Variants in ELMO1 observed in about 807,000 individuals in gnomAD.
ELMO1 encodes the protein engulfment and cell motility 1, also known as engulfment and cell motility protein 1.
ELMO1 carries 26 observed loss-of-function variants against 98.9 expected under a neutral mutation model. The observed-to-expected ratio is 0.26, with a 90% CI of 0.19 to 0.36. ELMO1 has a LOEUF of 0.36. Ranked by LOEUF, ELMO1 falls within the 10% of genes least tolerant of loss-of-function variation. The probability of loss-of-function intolerance (pLI) is 1.00; values close to 1 mark genes in which losing one functional copy is unlikely to be tolerated. For synonymous variants in ELMO1, 346 were observed against 346.0 expected (o/e 1.00, Z 0.00); for missense variants, 627 against 935.2 (o/e 0.67, Z 4.30).
intron 14 of ELMO1, among the ~76,000 whole-genome samples, chr7:37,129,019 T>C (rs1444128517): frequency 2.6e-5 from 4 of 152,032 alleles, no homozygotes; most frequent in African/African-American, 7.2e-5. Flanking sequence ...GCCTTTGCCA[T>C]GAGGGCTGTC....
chr7:37,003,354 C>G (rs1269410184), intron 16 of ELMO1, among the ~76,000 whole-genome samples: 1 of 152,094 alleles, frequency 6.6e-6, no homozygotes, highest in African/African-American at 2.4e-5. Flanking sequence ...GAGACAACGT[C>G]TCAAATACAA....
At chr7:37,168,993 C>T (rs1311767911) in intron 13 of ELMO1, among the ~76,000 whole-genome samples, 1 of 152,192 alleles carries the variant, frequency 6.6e-6, no homozygotes, top group East Asian at 1.9e-4. Flanking sequence ...TGGGCTCCAA[C>T]CAGTTCGAGC....
At chr7:37,199,469 C>G (rs1400037296) in intron 13 of ELMO1, among the ~76,000 whole-genome samples, 1 of 152,080 alleles carries the variant, frequency 6.6e-6, no homozygotes, top group Admixed American at 6.6e-5. Context: ...CAAAACAAAA[C>G]AAAGTTTTAA....
At chr7:37,353,950 T>G (rs894196995) in intron 1 of ELMO1, among the ~76,000 whole-genome samples, 3 of 152,228 alleles carry the variant, frequency 2.0e-5, no homozygotes, top group Non-Finnish European at 4.4e-5. Context: ...CCAATGTCCT[T>G]TCCTTCCCTT....
chr7:37,359,605 T>A (rs1801622448), intron 1 of ELMO1, among the ~76,000 whole-genome samples: 1 of 152,004 alleles, frequency 6.6e-6, no homozygotes. Context: ...GTAGATGGAG[T>A]CACTGAGGAA....
intron 14 of ELMO1, among the ~76,000 whole-genome samples, chr7:37,125,121 A>AAT (rs1295236504): frequency 6.6e-6 from 1 of 152,156 alleles, no homozygotes; most frequent in Non-Finnish European, 1.5e-5. Context: ...CTTACACCTT[A>AAT]TACAAAAATT....
chr7:36,908,169 T>C (rs903411525), intron 16 of ELMO1, among the ~76,000 whole-genome samples: 8 of 152,238 alleles, frequency 5.3e-5, no homozygotes, highest in African/African-American at 1.9e-4. Flanking sequence ...GTGCTGGTTG[T>C]TGTAAGGACA....
chr7:37,030,332 T>G (rs1302200805), intron 15 of ELMO1, among the ~76,000 whole-genome samples: 1 of 152,224 alleles, frequency 6.6e-6, no homozygotes, highest in African/African-American at 2.4e-5. Flanking sequence ...TCATTCAATT[T>G]TGTTACTAAT....
chr7:37,239,299 G>C (rs1225218954), intron 7 of ELMO1, among the ~76,000 whole-genome samples: 3 of 151,990 alleles, frequency 2.0e-5, no homozygotes, highest in African/African-American at 7.3e-5. Flanking sequence ...CAAGTAGCTG[G>C]GATTACGGGT....
intron 14 of ELMO1, among the ~76,000 whole-genome samples, chr7:37,119,032 C>G (rs188209449): frequency 7.9e-5 from 12 of 152,312 alleles, no homozygotes; most frequent in African/African-American, 2.9e-4. Context: ...AACCACTTAA[C>G]CTCTCCATGT....
intron 13 of ELMO1, among the ~76,000 whole-genome samples, chr7:37,151,474 T>C (rs1315945474): frequency 6.6e-6 from 1 of 152,192 alleles, no homozygotes; most frequent in Non-Finnish European, 1.5e-5. Context: ...TAATGGGGCC[T>C]TCTAGCTCCC....
intron 1 of ELMO1, among the ~76,000 whole-genome samples, chr7:37,354,677 G>A (rs1459849455): frequency 6.6e-6 from 1 of 152,102 alleles, no homozygotes; most frequent in African/African-American, 2.4e-5. Context: ...AATGCCAGTG[G>A]CTGCTCCCTT....
intron 16 of ELMO1, chr7:36,986,215 T>C (rs569143199): frequency 1.0e-6 from 1 of 985,546 alleles, no homozygotes; most frequent in South Asian, 4.7e-5. Context: ...CGGGGAAAGA[T>C]CAGCCAATCA....
chr7:37,031,402 T>C (rs1477464447), intron 15 of ELMO1, among the ~76,000 whole-genome samples: 5 of 152,010 alleles, frequency 3.3e-5, no homozygotes, highest in African/African-American at 4.8e-5. Flanking sequence ...AATAAGACAA[T>C]AATGAAAAAC....
chr7:36,918,887 C>T (rs997286326), intron 16 of ELMO1, among the ~76,000 whole-genome samples: 2 of 152,152 alleles, frequency 1.3e-5, no homozygotes, highest in African/African-American at 4.8e-5. Flanking sequence ...AAAGTAGACT[C>T]ACTTTAAGGG....
At chr7:36,904,518 C>G (rs1313224272) in intron 16 of ELMO1, among the ~76,000 whole-genome samples, 1 of 152,230 alleles carries the variant, frequency 6.6e-6, no homozygotes, top group Non-Finnish European at 1.5e-5. Flanking sequence ...CAGTTCAGCA[C>G]AGGTGCTCAC....
At chr7:37,005,973 C>T (rs180783485) in intron 16 of ELMO1, among the ~76,000 whole-genome samples, 10 of 152,274 alleles carry the variant, frequency 6.6e-5, no homozygotes, top group African/African-American at 1.7e-4. Context: ...TTACCTATTC[C>T]CATCTCACAG....
chr7:36,881,822 T>C (rs1325116103), intron 18 of ELMO1, among the ~76,000 whole-genome samples: 1 of 152,206 alleles, frequency 6.6e-6, no homozygotes, highest in East Asian at 1.9e-4. Flanking sequence ...CAGAACTTCC[T>C]ACAATGATGG....
At chr7:36,909,284 T>C (rs1340224503) in intron 16 of ELMO1, among the ~76,000 whole-genome samples, 1 of 152,202 alleles carries the variant, frequency 6.6e-6, no homozygotes, top group Non-Finnish European at 1.5e-5. Context: ...ATGAAATCCA[T>C]CCACCAAGAG....
Sources: allele counts gnomAD v4.1 joint callset (sites outside exome capture counted in the v4.1 genomes callset), GRCh38; gene constraint gnomAD v4.1.1; transcripts MANE v1.5; gene names NCBI Gene and HGNC (gene_info 2026-07-23, HGNC 2026-07-21).